The following CCKAR variants were observed in gnomAD, a reference collection of about 807,000 sequenced individuals.
CCKAR encodes cholecystokinin A receptor.
A neutral mutation model predicts 29.8 loss-of-function variants in CCKAR; 21 were observed. The observed-to-expected ratio is 0.70, with a 90% CI of 0.50 to 1.01. The LOEUF is 1.01. Among genes scored for constraint, CCKAR ranks in the 50% least tolerant of loss-of-function variants. The pLI, the probability that CCKAR is intolerant of heterozygous loss-of-function variation, is 0.00. For missense variants in CCKAR, 570 were observed against 560.6 expected (o/e 1.02, Z -0.17); for synonymous variants, 238 against 221.3 (o/e 1.08, Z -0.67).
intron 3 of CCKAR, 26 bp from the exon 4 acceptor site, chr4:26,483,309 A>G: frequency 6.2e-7 from 1 of 1,610,198 alleles, no homozygotes; most frequent in Non-Finnish European, 8.5e-7. Flanking sequence ...GAAATCCAAT[A>G]ACCAGCAACT....
intron 4 of CCKAR, among the ~76,000 whole-genome samples, chr4:26,482,413 G>T (rs1387469003): frequency 6.6e-6 from 1 of 152,116 alleles, no homozygotes; most frequent in Non-Finnish European, 1.5e-5. Flanking sequence ...TAGGTTACAA[G>T]AAAAAAATTA....
intron 2 of CCKAR, 140 bp from the exon 3 acceptor site, chr4:26,486,038 T>C: frequency 1.4e-6 from 1 of 724,124 alleles, no homozygotes; most frequent in Non-Finnish European, 2.2e-6. Context: ...TGTGTATGTA[T>C]ATTTTTAAAA....
rs201586028 is a variant in CCKAR at position 26,490,342 on chromosome 4, G to A, written c.-75C>T. 22 of 1,003,280 alleles carry A rather than the reference G, an allele frequency of 2.2e-5. No individual in the cohort carries two copies. In the East Asian group the frequency reaches 4.4e-4, roughly 20 times the overall value. The allele number at this position is 1,003,280 out of a possible 1,614,324, so 62.1% of individuals were successfully genotyped here. A position where few individuals can be genotyped will look rare whatever the true frequency, so the allele number is the denominator to read the frequency against. ...CTCCCGGCTCATTCCTCTAATGACC[G>A]AAGCGTCTCGCAGATGCAACCTGCC... On this transcript the variant is annotated 5_prime_UTR_variant, in exon 1 of 5. Transcript: ENST00000295589.
chr4:26,489,564 C>T, intron 1 of CCKAR, 80 bp from the exon 2 acceptor site: 1 of 1,530,706 alleles, frequency 6.5e-7, no homozygotes, highest in South Asian at 1.2e-5. Context: ...AGGGTGAATT[C>T]CTGCCGATTT....
intron 3 of CCKAR, among the ~76,000 whole-genome samples, chr4:26,485,153 C>T (rs1737423903): frequency 6.7e-6 from 1 of 148,782 alleles, no homozygotes; most frequent in Non-Finnish European, 1.5e-5. Context: ...GAGGTCACAC[C>T]ATTGCACTCC....
chr4:26,481,787 C>T lies in CCKAR; in HGVS notation c.1138G>A (p.Gly380Ser), dbSNP rs376793825. The change falls in exon 5 of 5, where the codon GGC (glycine) becomes AGC (serine). Residue 380 changes from glycine to serine, a missense_variant. By Grantham distance (56) the Gly-to-Ser change is moderately conservative. Coordinates refer to ENST00000295589, the MANE Select transcript of CCKAR (RefSeq NM_000730.3). ...CAGCAGGGGAAGGTGGCCATGAAGC[C>T]GAGGCGGAAGCGTTTGTTCATGAAG... ...YCFMNKRFRL[G>S]FMATFPCCPN... 1.9e-6 allele frequency: 3 copies of T among 1,613,868 alleles called. No individual in the cohort carries two copies. Among genetic ancestry groups the T allele is most frequent in the Non-Finnish European group, 2.5e-6 (3 of 1,179,952 alleles).
Position 26,487,078 on chromosome 4 carries a change from T to C in CCKAR, c.365-1180A>G, listed in dbSNP as rs13103604. On this transcript the variant is annotated intron_variant, in intron 2 of 4. Coordinates refer to ENST00000295589, the MANE Select transcript of CCKAR (RefSeq NM_000730.3). ...GCATACTTATTAAAATGTCCTATTA[T>C]TCCCTTAAAATTCCCTGTAGAGTCC... 7.1e-3 allele frequency among the ~76,000 whole-genome samples: 1,087 copies of C among 152,366 alleles called. 6 individuals carry two copies. Among genetic ancestry groups the C allele is most frequent in the Non-Finnish European group, 0.011 (771 of 68,032 alleles).
At chr4:26,482,666 G>C (rs992474427) in intron 4 of CCKAR, among the ~76,000 whole-genome samples, 1 of 152,196 alleles carries the variant, frequency 6.6e-6, no homozygotes, top group Admixed American at 6.5e-5. Flanking sequence ...CAATTTTCAT[G>C]GACAGTGGAT....
chr4:26,482,222 G>T (rs71610896), intron 4 of CCKAR, 52 bp from the exon 5 acceptor site: 3 of 1,517,876 alleles, frequency 2.0e-6, no homozygotes, highest in Middle Eastern at 1.8e-4. Context: ...ATGCCCGGTA[G>T]AAGGCATGGA....
intron 2 of CCKAR, among the ~76,000 whole-genome samples, chr4:26,486,360 C>T (rs372438326): frequency 4.0e-3 from 614 of 152,218 alleles, no homozygotes; most frequent in Non-Finnish European, 6.5e-3. Context: ...TGATGTGAGC[C>T]GGAGGCATGA....
intron 3 of CCKAR, among the ~76,000 whole-genome samples, chr4:26,484,567 C>T (rs1737410687): frequency 6.6e-6 from 1 of 152,150 alleles, no homozygotes; most frequent in Non-Finnish European, 1.5e-5. Flanking sequence ...GATAAGGAAC[C>T]TGACGTTCAG....
chr4:26,484,397 C>T (rs187195636), intron 3 of CCKAR, among the ~76,000 whole-genome samples: 9 of 152,310 alleles, frequency 5.9e-5, no homozygotes, highest in Non-Finnish European at 1.3e-4. Context: ...ATGTCTAGTT[C>T]CCTGCTTCTA....
chr4:26,483,254 A>C lies in CCKAR; in HGVS notation c.656T>G (p.Leu219Arg). The change falls in exon 4 of 5, where the codon CTT (leucine) becomes CGT (arginine). Residue 219 changes from leucine (L) to arginine (R), a missense_variant. Transcript: ENST00000295589. ...CACCATCATCACAATTCCAGGAATA[A>C]GAAAGAGGATGAGTAACAGGAATGT... ...WHTFLLLILF[L>R]IPGIVMMVAY... 6.2e-7 allele frequency: 1 copy of C among 1,613,864 alleles called. No individual in the cohort carries two copies. The highest frequency in any genetic ancestry group is 8.5e-7 in the Non-Finnish European group (1 of 1,179,930).
At chr4:26,485,598 A>G (rs768928416) in intron 3 of CCKAR, 39 bp downstream of exon 3, 3 of 1,605,968 alleles carry the variant, frequency 1.9e-6, no homozygotes, top group Non-Finnish European at 2.6e-6. Context: ...GCAAAATTAC[A>G]TCAAGCTGTA....
Position 26,490,304 on chromosome 4 carries a change from G to T in CCKAR, c.-37C>A, listed in dbSNP as rs41267459. ...GCTTTCCACCAAGTGCTGGAGAGCTGGTGAATTGCTCACTCCCGGCTCATT... is the reference window on the plus strand; with the variant it reads ...GCTTTCCACCAAGTGCTGGAGAGCTTGTGAATTGCTCACTCCCGGCTCATT... On this transcript the variant is annotated 5_prime_UTR_variant, in exon 1 of 5. Transcript: ENST00000295589. 1 of 1,369,980 alleles carries T rather than the reference G, an allele frequency of 7.3e-7. No homozygotes were observed. The allele number at this position is 1,369,980 out of a possible 1,614,324, so 84.9% of individuals were successfully genotyped here. A position where few individuals can be genotyped will look rare whatever the true frequency, so the allele number is the denominator to read the frequency against.
Position 26,485,664 on chromosome 4 carries a change from A to C in CCKAR, c.599T>G (p.Leu200Arg), listed in dbSNP as rs756696867. The part of the protein sequence containing the change: ...NQTANMCRFL[L>R]PNDVMQQSWH... ...GGACTGCTGCATAACATCATTTGGC[A>C]GTAGAAAGCGGCACATATTCGCGGT... Residue 200 changes from leucine to arginine, a missense_variant, in exon 3 of 5, where the codon CTG becomes CGG. Leu to Arg is a moderately radical substitution (Grantham distance 102, BLOSUM62 -2). Coordinates refer to ENST00000295589, the MANE Select transcript of CCKAR (RefSeq NM_000730.3). 2 of 1,614,218 alleles carry C rather than the reference A, an allele frequency of 1.2e-6. No individual in the cohort carries two copies. Among genetic ancestry groups the C allele is most frequent in the Non-Finnish European group, 1.7e-6 (2 of 1,180,032 alleles).
Position 26,482,211 on chromosome 4 carries a change from C to A in CCKAR, c.755-41G>T, listed in dbSNP as rs1243011930. The A allele has an allele frequency of 2.6e-6, 4 of 1,559,828 alleles. No homozygotes were observed. In the South Asian group the frequency reaches 4.9e-5, roughly 19 times the overall value. On this transcript the variant is annotated intron_variant, in intron 4 of 4. Coordinates refer to ENST00000295589, the MANE Select transcript of CCKAR (RefSeq NM_000730.3). Reference sequence around the variant, plus strand: ...ACATCACTCATTGCTGGGGATGGGTCATGCCCGGTAGAAGGCATGGAGCCC... The same window carrying A: ...ACATCACTCATTGCTGGGGATGGGTAATGCCCGGTAGAAGGCATGGAGCCC...
At chr4:26,486,274 G>A (rs1737448740) in intron 2 of CCKAR, among the ~76,000 whole-genome samples, 1 of 152,168 alleles carries the variant, frequency 6.6e-6, no homozygotes, top group Non-Finnish European at 1.5e-5. Context: ...CTGTAATTTT[G>A]AGTATCGTCT....
At chr4:26,490,086 C>T in intron 1 of CCKAR, 70 bp downstream of exon 1, 2 of 935,682 alleles carry the variant, frequency 2.1e-6, no homozygotes, top group South Asian at 1.4e-5. Context: ...TTTTTATCAG[C>T]CTTGCCTTTG....
Sources: allele counts gnomAD v4.1 joint callset (sites outside exome capture counted in the v4.1 genomes callset), GRCh38; gene constraint gnomAD v4.1.1; transcripts MANE v1.5; gene names NCBI Gene and HGNC (gene_info 2026-07-23, HGNC 2026-07-21).